The following KCNH1 variants were observed in gnomAD, a reference collection of about 807,000 sequenced individuals.
KCNH1 encodes the protein voltage-gated delayed rectifier potassium channel KCNH1.
A neutral mutation model predicts 69.2 loss-of-function variants in KCNH1; 27 were observed. The ratio of observed to expected loss-of-function variants is 0.39; its 90% confidence interval spans 0.29 to 0.54. The LOEUF (loss-of-function observed/expected upper bound fraction) is 0.54, where lower values mean the gene tolerates loss of function less well. KCNH1 is among the 20% of genes least tolerant of loss of function. The pLI, the probability that KCNH1 is intolerant of heterozygous loss-of-function variation, is 0.68. For synonymous variants in KCNH1, 456 were observed against 487.7 expected (o/e 0.93, Z 0.86); for missense variants, 798 against 1,261.6 (o/e 0.63, Z 5.57).
chr1:210,883,166 G>A (rs1197608784), intron 7 of KCNH1, among the ~76,000 whole-genome samples: 1 of 152,140 alleles, frequency 6.6e-6, no homozygotes, highest in Non-Finnish European at 1.5e-5. Context: ...CAGAGGTCTA[G>A]GCTTTTGCAG....
chr1:210,964,704 C>G (rs1331768150), intron 6 of KCNH1, among the ~76,000 whole-genome samples: 1 of 152,168 alleles, frequency 6.6e-6, no homozygotes, highest in East Asian at 1.9e-4. Flanking sequence ...CCTTCTGAAA[C>G]TATTCCAATT....
At chr1:211,031,173 C>T (rs1395917069) in intron 5 of KCNH1, among the ~76,000 whole-genome samples, 2 of 152,166 alleles carry the variant, frequency 1.3e-5, no homozygotes, top group Non-Finnish European at 2.9e-5. Flanking sequence ...GACACATACA[C>T]CTTCCCAAGA....
rs114263650 is a variant in KCNH1 at position 210,819,875 on chromosome 1, C to T, written c.1463-15709G>A. 6.5e-3 allele frequency among the ~76,000 whole-genome samples: 985 copies of T among 152,286 alleles called. 10 individuals carry two copies. The highest frequency in any genetic ancestry group is 0.023 in the African/African-American group (938 of 41,566). ...CAAAAAGGGATTTTGGCTTCTGAAT[C>T]GTTCTTCTGGATTGCTTGCTCTGGG... is the stretch of plus-strand genomic sequence containing the variant. On this transcript the variant is annotated intron_variant, in intron 7 of 10. Coordinates refer to ENST00000271751, the MANE Select transcript of KCNH1 (RefSeq NM_172362.3).
intron 7 of KCNH1, among the ~76,000 whole-genome samples, chr1:210,823,918 G>A (rs1464612751): frequency 2.0e-5 from 3 of 152,020 alleles, no homozygotes; most frequent in Admixed American, 2.0e-4. Flanking sequence ...TCTGAACTGT[G>A]CACCATGCTC....
At chr1:211,117,289 C>A (rs1691600212) in intron 1 of KCNH1, among the ~76,000 whole-genome samples, 1 of 152,188 alleles carries the variant, frequency 6.6e-6, no homozygotes, top group Non-Finnish European at 1.5e-5. Flanking sequence ...TGGTAGCCCC[C>A]AATAAGCCCT....
At chr1:211,093,408 C>G (rs1159912559) in intron 3 of KCNH1, among the ~76,000 whole-genome samples, 1 of 152,198 alleles carries the variant, frequency 6.6e-6, no homozygotes, top group Non-Finnish European at 1.5e-5. Context: ...GCCTCAGCCT[C>G]CTGGGTAGCT....
chr1:210,860,767 A>C, intron 7 of KCNH1: 1 of 801,438 alleles, frequency 1.2e-6, no homozygotes, highest in Admixed American at 1.7e-5. Context: ...GTCATCAATC[A>C]GACATCTTCT....
intron 6 of KCNH1, among the ~76,000 whole-genome samples, chr1:210,969,601 T>C (rs1039751169): frequency 1.3e-5 from 2 of 152,106 alleles, no homozygotes; most frequent in African/African-American, 2.4e-5. Context: ...TCTAAAACTC[T>C]ATTATATTTG....
At position 210,954,300 on chromosome 1, in the gene KCNH1, A is replaced by G. The variant is rs564972397; in HGVS notation, c.1033-34231T>C. On this transcript the variant is annotated intron_variant, in intron 6 of 10. Coordinates refer to ENST00000271751, the MANE Select transcript of KCNH1 (RefSeq NM_172362.3). Reference sequence around the variant, plus strand: ...GTGCCACATTTTCTTAATCCAGTCTATCATTGATGGACATTTGGGTTGGTT... The same window carrying G: ...GTGCCACATTTTCTTAATCCAGTCTGTCATTGATGGACATTTGGGTTGGTT... Among the ~76,000 whole-genome samples, 314 of 152,286 alleles carry G rather than the reference A, an allele frequency of 2.1e-3. 2 individuals are homozygous for G. Among genetic ancestry groups the G allele is most frequent in the African/African-American group, 7.4e-3 (309 of 41,546 alleles).
At chr1:210,912,799 T>C (rs1687260137) in intron 7 of KCNH1, among the ~76,000 whole-genome samples, 2 of 152,146 alleles carry the variant, frequency 1.3e-5, no homozygotes, top group Non-Finnish European at 2.9e-5. Flanking sequence ...GGTTCCAAAA[T>C]GTAGGCTCTT....
chr1:210,998,619 C>A (rs1307813005), intron 6 of KCNH1, among the ~76,000 whole-genome samples: 1 of 152,156 alleles, frequency 6.6e-6, no homozygotes, highest in Non-Finnish European at 1.5e-5. Flanking sequence ...AGAAAGTTAA[C>A]AAGGATATCC....
At chr1:211,042,060 A>C (rs1690005466) in intron 5 of KCNH1, among the ~76,000 whole-genome samples, 1 of 152,070 alleles carries the variant, frequency 6.6e-6, no homozygotes, top group Non-Finnish European at 1.5e-5. Context: ...TGGCCCACCC[A>C]CTGGCTTTCT....
At chr1:211,022,866 CTTT>C (rs1409392192) in intron 5 of KCNH1, among the ~76,000 whole-genome samples, 14 of 151,900 alleles carry the variant, frequency 9.2e-5, no homozygotes, top group African/African-American at 3.1e-4. Context: ...AATACCAGTA[CTTT>C]GGGAGGCCGA....
intron 10 of KCNH1, among the ~76,000 whole-genome samples, chr1:210,742,985 G>T (rs1558450310): frequency 6.6e-6 from 1 of 152,144 alleles, no homozygotes; most frequent in Admixed American, 6.5e-5. Context: ...AGAGAGAAAA[G>T]AAAGAGGATA....
In KCNH1 at chr1:210,856,898, T is replaced by TATATATATATATATATATATATAA. The variant is rs1410330503; in HGVS notation, c.1463-52733_1463-52732insTTATATATATATATATATATATAT. Among the ~76,000 whole-genome samples the TATATATATATATATATATATATAA allele has an allele frequency of 6.5e-3, 786 of 121,264 alleles. 2 individuals are homozygous for TATATATATATATATATATATATAA. Among genetic ancestry groups the TATATATATATATATATATATATAA allele is most frequent in the South Asian group, 0.015 (48 of 3,302 alleles). The allele number at this position is 121,264 out of a possible 152,430, so 79.6% of individuals were successfully genotyped here. A position where few individuals can be genotyped will look rare whatever the true frequency, so the allele number is the denominator to read the frequency against. On this transcript the variant is annotated intron_variant, in intron 7 of 10. Transcript: ENST00000271751. ...CCCACTATATATATATATATATATATAAAATACTCATGCCTGGTGTTTACT... is the reference window on the plus strand; with the variant it reads ...CCCACTATATATATATATATATATATATATATATATATATATATATATAAAAAATACTCATGCCTGGTGTTTACT...
At chr1:210,893,491 T>G (rs2102525684) in intron 7 of KCNH1, among the ~76,000 whole-genome samples, 1 of 152,140 alleles carries the variant, frequency 6.6e-6, no homozygotes, top group East Asian at 1.9e-4. Context: ...ATAGGTTTTT[T>G]GTGTGTTTTC....
chr1:210,905,367 T>A (rs1232157589), intron 7 of KCNH1, among the ~76,000 whole-genome samples: 2 of 152,148 alleles, frequency 1.3e-5, no homozygotes. Context: ...TCATCAACAT[T>A]GTCATTATCC....
At chr1:210,973,299 A>G (rs543647068) in intron 6 of KCNH1, among the ~76,000 whole-genome samples, 1 of 152,158 alleles carries the variant, frequency 6.6e-6, no homozygotes, top group Non-Finnish European at 1.5e-5. Context: ...CTAAGCATAT[A>G]CAGCCCCTAG....
In KCNH1 at chr1:210,816,170, AAC is replaced by A. The variant is rs1301163212; in HGVS notation, c.1463-12006_1463-12005del. On this transcript the variant is annotated intron_variant, in intron 7 of 10. Coordinates refer to ENST00000271751, the MANE Select transcript of KCNH1 (RefSeq NM_172362.3). ...AAGCTCCCCGAAACAGAGAATATAA[AAC>A]AGATACATTCCCTATTTTATAACAA... 4.6e-5 allele frequency among the ~76,000 whole-genome samples: 7 copies of A among 152,296 alleles called. 1 individual carries two copies. Among genetic ancestry groups the A allele is most frequent in the Middle Eastern group, 3.4e-3 (1 of 294 alleles).
Sources: gnomAD v4.1 joint callset for allele counts (sites outside exome capture counted in the v4.1 genomes callset) on GRCh38, gnomAD v4.1.1 for gene constraint, MANE v1.5 for transcripts, NCBI Gene and HGNC (gene_info 2026-07-23, HGNC 2026-07-21) for gene names.